PDE8A: variants seen among roughly 807,000 people sequenced by gnomAD.
PDE8A encodes the protein high affinity cAMP-specific and IBMX-insensitive 3',5'-cyclic phosphodiesterase 8A.
A neutral mutation model predicts 105.0 loss-of-function variants in PDE8A; 59 were observed. The observed-to-expected ratio is 0.56, with a 90% CI of 0.46 to 0.70. PDE8A has a LOEUF of 0.70. Among genes scored for constraint, PDE8A ranks in the 30% least tolerant of loss-of-function variants. The pLI is 0.00. For synonymous variants in PDE8A, 355 were observed against 371.9 expected, an observed-to-expected ratio of 0.95 and a Z score of 0.52; for missense variants, 1,014 against 1,045.9, an observed-to-expected ratio of 0.97 and a Z score of 0.42.
At chr15:85,056,235 C>G (rs942232473) in intron 1 of PDE8A, among the ~76,000 whole-genome samples, 2 of 152,132 alleles carry the variant, frequency 1.3e-5, no homozygotes, top group African/African-American at 4.8e-5. Context: ...TCTGGCTGCC[C>G]TTAACATTTT....
At chr15:84,995,432 C>T (rs867494948) in intron 1 of PDE8A, among the ~76,000 whole-genome samples, 1 of 151,978 alleles carries the variant, frequency 6.6e-6, no homozygotes, top group African/African-American at 2.4e-5. Context: ...CTCCTCCCAC[C>T]TCAACCTCCT....
chr15:85,031,114 C>G (rs1253136470), intron 1 of PDE8A, among the ~76,000 whole-genome samples: 1 of 152,170 alleles, frequency 6.6e-6, no homozygotes, highest in Non-Finnish European at 1.5e-5. Context: ...TGTAAGAAAT[C>G]TGTATATATT....
rs190393305 is a variant in PDE8A at position 85,099,995 on chromosome 15, G to C, written c.942-20G>C. On this transcript the variant is annotated intron_variant, in intron 9 of 21. Coordinates refer to ENST00000394553, the MANE Select transcript of PDE8A (RefSeq NM_002605.3). ...ATTAGAGACTCAGAAGAGAAATAAT[G>C]CATTGTTTTTTACTTGCAGAAAAAT... 1.3e-6 allele frequency: 2 copies of C among 1,587,178 alleles called. No individual in the cohort carries two copies. The highest frequency in any genetic ancestry group is 2.7e-5 in the African/African-American group (2 of 74,022).
intron 3 of PDE8A, among the ~76,000 whole-genome samples, chr15:85,068,356 T>G (rs1198455872): frequency 1.3e-5 from 2 of 152,078 alleles, no homozygotes; most frequent in Admixed American, 1.3e-4. Flanking sequence ...ACCCCAGATT[T>G]CTTGACATGT....
chr15:85,091,620 G>C (rs548347204), intron 8 of PDE8A, among the ~76,000 whole-genome samples: 9 of 152,310 alleles, frequency 5.9e-5, no homozygotes, highest in African/African-American at 2.2e-4. Flanking sequence ...CACTGTGCTA[G>C]ATTCTGGTAT....
intron 1 of PDE8A, among the ~76,000 whole-genome samples, chr15:85,019,568 A>G (rs2080385622): frequency 6.6e-6 from 1 of 151,660 alleles, no homozygotes; most frequent in Admixed American, 6.6e-5. Context: ...ACTATTCATT[A>G]TTTTTGTGGG....
chr15:85,026,610 T>C (rs1211133394), intron 1 of PDE8A, among the ~76,000 whole-genome samples: 3 of 152,122 alleles, frequency 2.0e-5, no homozygotes, highest in Non-Finnish European at 4.4e-5. Context: ...GAGATCTATA[T>C]CCCCATCTCT....
chr15:84,981,026 C>T (rs997964423), upstream of PDE8A, among the ~76,000 whole-genome samples: 2 of 152,168 alleles, frequency 1.3e-5, no homozygotes, highest in Non-Finnish European at 2.9e-5. Context: ...ACTTTCACTA[C>T]CCCCAAAGGA....
At chr15:85,087,030 G>A (rs1269338048) in intron 6 of PDE8A, among the ~76,000 whole-genome samples, 2 of 137,178 alleles carry the variant, frequency 1.5e-5, no homozygotes, top group Non-Finnish European at 3.1e-5. Flanking sequence ...ACCATGCCCA[G>A]CATGTTTTTT....
chr15:85,100,277 G>T (rs2081839743), intron 11 of PDE8A, 79 bp downstream of exon 11: 4 of 1,263,644 alleles, frequency 3.2e-6, no homozygotes, highest in Non-Finnish European at 4.5e-6. Context: ...TAACTAGCTT[G>T]CCTGGTGTAA....
At chr15:85,102,162 GA>G (rs982959233) in intron 11 of PDE8A, among the ~76,000 whole-genome samples, 15 of 152,132 alleles carry the variant, frequency 9.9e-5, no homozygotes, top group African/African-American at 3.6e-4. Flanking sequence ...TGGATTCCTA[GA>G]GACCACCCAC....
At chr15:85,036,446 C>G (rs1488467518) in intron 1 of PDE8A, among the ~76,000 whole-genome samples, 5 of 152,202 alleles carry the variant, frequency 3.3e-5, no homozygotes, top group African/African-American at 1.2e-4. Flanking sequence ...CACTTTATTC[C>G]TAAAGCCTAG....
At chr15:84,990,343 A>G (rs1221703978) in intron 1 of PDE8A, among the ~76,000 whole-genome samples, 2 of 152,234 alleles carry the variant, frequency 1.3e-5, no homozygotes, top group East Asian at 1.9e-4. Flanking sequence ...ACAGAATTAC[A>G]CAATATTATA....
rs996650023 is a variant in PDE8A at position 85,025,422 on chromosome 15, AG to A, written c.187-38942del. ...TATTCATGAATTTCCTGTTTTTTCC[AG>A]GGGGGTGGGTAGGGGGTGTGGGGGC... On this transcript the variant is annotated intron_variant, in intron 1 of 21. Coordinates refer to ENST00000394553, the MANE Select transcript of PDE8A (RefSeq NM_002605.3). 5.4e-5 allele frequency among the ~76,000 whole-genome samples: 7 copies of A among 130,002 alleles called. No homozygotes were observed. In the Admixed American group the frequency reaches 5.5e-4, roughly 10 times the overall value. The allele number at this position is 130,002 out of a possible 152,430, so 85.3% of individuals were successfully genotyped here. A position where few individuals can be genotyped will look rare whatever the true frequency, so the allele number is the denominator to read the frequency against.
At chr15:84,992,122 T>C (rs535926156) in intron 1 of PDE8A, among the ~76,000 whole-genome samples, 1 of 152,344 alleles carries the variant, frequency 6.6e-6, no homozygotes, top group South Asian at 2.1e-4. Flanking sequence ...GAGTGCCTAA[T>C]ATAGAGGCTG....
chr15:84,991,442 C>T (rs2079884370), intron 1 of PDE8A, among the ~76,000 whole-genome samples: 1 of 152,178 alleles, frequency 6.6e-6, no homozygotes, highest in Non-Finnish European at 1.5e-5. Context: ...ATTTTATACT[C>T]ATCAAATTGG....
rs2082172436 is a variant in PDE8A, at chr15:85,121,008, T to C, written c.1946T>C (p.Met649Thr). 6.2e-7 allele frequency: 1 copy of C among 1,600,198 alleles called. No homozygotes were observed. Among genetic ancestry groups the C allele is most frequent in the Non-Finnish European group, 8.6e-7 (1 of 1,169,122 alleles). Reference sequence around the variant, plus strand: ...GATAAATGCAATATATTTAAAAACATGGAGAGGTAAGAACAATGATTGGGA... The same window carrying C: ...GATAAATGCAATATATTTAAAAACACGGAGAGGTAAGAACAATGATTGGGA... ...GDDKCNIFKNMERNDYRTLRQ... is the reference protein window; with the variant it reads ...GDDKCNIFKNTERNDYRTLRQ... Residue 649 changes from methionine to threonine, a missense_variant, in exon 18 of 22, where the codon ATG becomes ACG. Transcript: ENST00000394553.
Position 85,099,971 on chromosome 15 carries a change from T to C in PDE8A, c.942-44T>C, listed in dbSNP as rs2081831515. 2.7e-6 allele frequency: 4 copies of C among 1,494,988 alleles called. No homozygotes were observed. The South Asian group carries it at 4.7e-5, about 18-fold the overall frequency. The allele number at this position is 1,494,988 out of a possible 1,614,324, so 92.6% of individuals were successfully genotyped here. A position where few individuals can be genotyped will look rare whatever the true frequency, so the allele number is the denominator to read the frequency against. The stretch of plus-strand genomic sequence containing the variant: ...AAAAATTAACGACATATCCATCAAA[T>C]TAGAGACTCAGAAGAGAAATAATGC... On this transcript the variant is annotated intron_variant, in intron 9 of 21. Transcript: ENST00000394553.
chr15:85,015,249 T>A (rs931528005), intron 1 of PDE8A, among the ~76,000 whole-genome samples: 1 of 151,774 alleles, frequency 6.6e-6, no homozygotes, highest in African/African-American at 2.4e-5. Flanking sequence ...TAAGTCTTTT[T>A]TTTTTTGGAC....
Sources: gnomAD v4.1 joint callset for allele counts (sites outside exome capture counted in the v4.1 genomes callset) on GRCh38, gnomAD v4.1.1 for gene constraint, MANE v1.5 for transcripts, NCBI Gene and HGNC (gene_info 2026-07-23, HGNC 2026-07-21) for gene names.